The following MED13 variants were observed in gnomAD, a reference collection of about 807,000 sequenced individuals.
MED13 encodes the protein mediator of RNA polymerase II transcription subunit 13.
MED13 carries 23 observed loss-of-function variants against 225.2 expected under a neutral mutation model. That is an observed-to-expected ratio of 0.10 (90% CI 0.07 to 0.14). The LOEUF is 0.14. Among genes scored for constraint, MED13 ranks in the 10% least tolerant of loss-of-function variants. The probability of loss-of-function intolerance (pLI) is 1.00; values close to 1 mark genes in which losing one functional copy is unlikely to be tolerated. For synonymous variants in MED13, 942 were observed against 889.2 expected (o/e 1.06, Z -1.06); for missense variants, 2,197 against 2,594.5 (o/e 0.85, Z 3.33).
chr17:61,992,670 A>G (rs748477866), intron 10 of MED13, 49 bp from the exon 11 acceptor site: 3 of 1,319,822 alleles, frequency 2.3e-6, no homozygotes, highest in Admixed American at 1.7e-5. Flanking sequence ...TTTACCAACA[A>G]TAAAATCTAC....
At chr17:62,017,390 T>C (rs1300839099) in intron 8 of MED13, among the ~76,000 whole-genome samples, 1 of 151,728 alleles carries the variant, frequency 6.6e-6, no homozygotes, top group African/African-American at 2.4e-5. Context: ...ACACCAAACT[T>C]CTAAATCAAG....
intron 17 of MED13, among the ~76,000 whole-genome samples, chr17:61,968,895 G>C (rs970765886): frequency 6.6e-6 from 1 of 152,132 alleles, no homozygotes. Context: ...GGGACTACAG[G>C]TGTGTGCCAC....
chr17:62,054,650 C>T (rs1050300444), intron 2 of MED13, among the ~76,000 whole-genome samples: 5 of 152,146 alleles, frequency 3.3e-5, no homozygotes, highest in African/African-American at 9.7e-5. Context: ...GATCTGCTTT[C>T]AATTTAATGA....
chr17:62,010,879 T>C lies in MED13; in HGVS notation c.1638A>G (p.Glu546=). Residue 546 remains glutamate, a synonymous_variant, in exon 9 of 30, where the codon GAA becomes GAG. Coordinates refer to ENST00000397786, the MANE Select transcript of MED13 (RefSeq NM_005121.3). ...GAGTTGAAGGTGTTTTAGTCACTCC[T>C]TCATCAACCACATCACAAGGGTGAG... ...LSPHPCDVVD[E]GVTKTPSTPQ... 1 of 1,614,202 alleles carries C rather than the reference T, an allele frequency of 6.2e-7. No individual in the cohort carries two copies.
chr17:61,973,529 G>C (rs887581240), intron 16 of MED13, among the ~76,000 whole-genome samples: 7 of 152,088 alleles, frequency 4.6e-5, no homozygotes, highest in African/African-American at 1.7e-4. Flanking sequence ...ATGGCTAAAG[G>C]AAAAATCACT....
Position 61,962,884 on chromosome 17 carries a change from A to G in MED13, c.4932T>C (p.Ile1644=), listed in dbSNP as rs760188845. The G allele has an allele frequency of 9.3e-6, 15 of 1,614,022 alleles. No homozygotes were observed. The highest frequency in any genetic ancestry group is 1.3e-5 in the African/African-American group (1 of 74,922). The stretch of plus-strand genomic sequence containing the variant: ...CTGTATTTTCGTATGTAAAAGGATC[A>G]ATTATATAAACAACAATTGCAGGTG... ...TYPPAIVVYI[I]DPFTYENTDE... Residue 1644 remains isoleucine (I), a synonymous_variant, in exon 21 of 30, where the codon ATT becomes ATC. Transcript: ENST00000397786.
Position 61,976,012 on chromosome 17 carries a change from G to A in MED13, c.3806-3124C>T, listed in dbSNP as rs193033551. Among the ~76,000 whole-genome samples, 420 of 151,746 alleles carry A rather than the reference G, an allele frequency of 2.8e-3. 3 individuals are homozygous for A. Among genetic ancestry groups the A allele is most frequent in the African/African-American group, 9.1e-3 (377 of 41,454 alleles). On this transcript the variant is annotated intron_variant, in intron 16 of 29. Transcript: ENST00000397786. Reference sequence around the variant, plus strand: ...GCCTGGGCAACAAGAGCGAGACTCCGTCTCAAAAAAAAAATAAATAAATAA... The same window carrying A: ...GCCTGGGCAACAAGAGCGAGACTCCATCTCAAAAAAAAAATAAATAAATAA...
intron 28 of MED13, among the ~76,000 whole-genome samples, chr17:61,949,931 C>T (rs1286282649): frequency 1.3e-5 from 2 of 152,162 alleles, no homozygotes; most frequent in Admixed American, 1.3e-4. Context: ...GATCCACCTG[C>T]CTCAGCCTCC....
At chr17:62,018,779 T>C (rs950890397) in intron 8 of MED13, among the ~76,000 whole-genome samples, 4 of 152,224 alleles carry the variant, frequency 2.6e-5, no homozygotes, top group Middle Eastern at 3.4e-3. Context: ...ACTCATTTTA[T>C]ATGAAGGACT....
At position 61,965,319 on chromosome 17, in the gene MED13, T is replaced by G. The variant is rs1337441265; in HGVS notation, c.4531A>C (p.Ser1511Arg). Reference protein sequence around the residue: ...TPSATLASAASSTMTVTSGVA... With the variant: ...TPSATLASAARSTMTVTSGVA... ...CCTGAAGTCACTGTCATAGTGCTGC[T>G]CGCTGCAGATGCTAAGGTGGCAGAT... The change falls in exon 20 of 30, where the codon AGC (serine) becomes CGC (arginine). Residue 1511 changes from serine (S) to arginine (R), a missense_variant. Physicochemically the swap from Ser to Arg is moderately radical, Grantham distance 110 (BLOSUM62 -1). This residue lies in a region of MED13 where 457 missense variants were observed against 442.2 expected (regional missense o/e 1.03). Coordinates refer to ENST00000397786, the MANE Select transcript of MED13 (RefSeq NM_005121.3). 1.2e-6 allele frequency: 2 copies of G among 1,614,104 alleles called. No individual in the cohort carries two copies. The highest frequency in any genetic ancestry group is 1.7e-6 in the Non-Finnish European group (2 of 1,180,046).
Position 61,982,217 on chromosome 17 carries a change from G to A in MED13, c.3786C>T (p.His1262=). 6.2e-7 allele frequency: 1 copy of A among 1,613,276 alleles called. No homozygotes were observed. The highest frequency in any genetic ancestry group is 8.5e-7 in the Non-Finnish European group (1 of 1,179,520). ...CTTTACCGTTTCTTTTGGACCAGGG[G>A]TGTAAGCATGAACTTTTCACAAGTG... The part of the protein sequence containing the change: ...DEALVKSSCL[H]PWSKRNDVSM... The change falls in exon 16 of 30, where the codon CAC becomes CAT. Residue 1262 remains histidine (H), a synonymous_variant. Transcript: ENST00000397786.
chr17:62,018,378 T>C (rs1056934857), intron 8 of MED13, among the ~76,000 whole-genome samples: 1 of 152,186 alleles, frequency 6.6e-6, no homozygotes, highest in Non-Finnish European at 1.5e-5. Flanking sequence ...ACGTAACACA[T>C]TGTATTAGGT....
intron 27 of MED13, among the ~76,000 whole-genome samples, chr17:61,951,502 T>C (rs1480048052): frequency 6.6e-6 from 1 of 152,144 alleles, no homozygotes; most frequent in Non-Finnish European, 1.5e-5. Context: ...ATGTATTTCT[T>C]GGTATTTAAA....
Position 61,950,817 on chromosome 17 carries a change from G to T in MED13, c.6291+8C>A. On this transcript the variant is annotated splice_region_variant and intron_variant, in intron 28 of 29. Coordinates refer to ENST00000397786, the MANE Select transcript of MED13 (RefSeq NM_005121.3). ...ATTATTTAGGAACTGGGACAGAAAT[G>T]GCAATACCTTAAGAAAAAGGGGACA... is the stretch of plus-strand genomic sequence containing the variant. 5 of 1,606,260 alleles carry T rather than the reference G, an allele frequency of 3.1e-6. No individual in the cohort carries two copies. Among genetic ancestry groups the T allele is most frequent in the South Asian group, 2.2e-5 (2 of 89,810 alleles).
At chr17:62,009,444 G>A (rs1000345574) in intron 9 of MED13, among the ~76,000 whole-genome samples, 2 of 152,104 alleles carry the variant, frequency 1.3e-5, no homozygotes, top group African/African-American at 2.4e-5. Context: ...TCACAGAACA[G>A]GAAACCTAAA....
intron 9 of MED13, among the ~76,000 whole-genome samples, chr17:62,010,145 C>A (rs1243619134): frequency 6.6e-6 from 1 of 151,686 alleles, no homozygotes; most frequent in African/African-American, 2.4e-5. Context: ...TCGCTTGAAC[C>A]CAGAGGCGGA....
At chr17:62,015,698 C>T (rs1379308856) in intron 8 of MED13, among the ~76,000 whole-genome samples, 2 of 148,652 alleles carry the variant, frequency 1.3e-5, no homozygotes, top group Non-Finnish European at 3.0e-5. Flanking sequence ...CTCAGCCTCC[C>T]GAGTAGCTGG....
chr17:62,052,951 T>C (rs185657038), intron 2 of MED13, among the ~76,000 whole-genome samples: 1 of 152,300 alleles, frequency 6.6e-6, no homozygotes, highest in Admixed American at 6.5e-5. Flanking sequence ...CTTATAAAAT[T>C]CAATGACATC....
intron 3 of MED13, among the ~76,000 whole-genome samples, chr17:62,038,172 G>C (rs2080822004): frequency 6.6e-6 from 1 of 152,112 alleles, no homozygotes; most frequent in African/African-American, 2.4e-5. Context: ...GGCAAGAGGA[G>C]TTGGGCTTGA....
Sources: allele counts gnomAD v4.1 joint callset (sites outside exome capture counted in the v4.1 genomes callset), GRCh38; gene constraint gnomAD v4.1.1; regional missense constraint gnomAD v4.1.1; transcripts MANE v1.5; gene names NCBI Gene and HGNC (gene_info 2026-07-23, HGNC 2026-07-21).